The following RHBDD3 variants were observed in gnomAD, a reference collection of about 807,000 sequenced individuals.
The protein encoded by RHBDD3 is rhomboid domain-containing protein 3.
In RHBDD3, 34 loss-of-function variants were observed where a neutral mutation model predicts 32.3. That is an observed-to-expected ratio of 1.05 (90% CI 0.80 to 1.40). RHBDD3 has a LOEUF of 1.40. Ranked by LOEUF, RHBDD3 falls within the 40% of genes most tolerant of loss-of-function variation. The probability of loss-of-function intolerance (pLI) is 0.00; values close to 1 mark genes in which losing one functional copy is unlikely to be tolerated. For missense variants in RHBDD3, 482 were observed against 492.6 expected, an observed-to-expected ratio of 0.98 and a Z score of 0.20; for synonymous variants, 249 against 239.1, an observed-to-expected ratio of 1.04 and a Z score of -0.38.
In RHBDD3 at chr22:29,267,708, C is replaced by G. The variant is rs1271679276; in HGVS notation, c.-195+40G>C. ...CACCCAGCCGACCGGCCTTGGGGACCCTTCCCCGCTGGCCCGGGCCACGCG... is the reference window on the plus strand; with the variant it reads ...CACCCAGCCGACCGGCCTTGGGGACGCTTCCCCGCTGGCCCGGGCCACGCG... On this transcript the variant is annotated intron_variant, in intron 1 of 6. Coordinates refer to ENST00000216085, the MANE Select transcript of RHBDD3 (RefSeq NM_012265.3). The G allele has an allele frequency of 1.8e-5, 3 of 163,706 alleles. No individual in the cohort carries two copies. The East Asian group carries it at 3.9e-4, about 22-fold the overall frequency. The allele number at this position is 163,706 out of a possible 1,614,324, so 10.1% of individuals were successfully genotyped here.
At chr22:29,261,454 C>T (rs531193108) in intron 4 of RHBDD3, 13 of 416,018 alleles carry the variant, frequency 3.1e-5, no homozygotes, top group East Asian at 2.1e-4. Context: ...ATTAGCTGGA[C>T]GTGGCAGTGC....
Position 29,265,778 on chromosome 22 carries a change from G to C in RHBDD3, c.-42-110C>G, listed in dbSNP as rs752653505. Reference sequence around the variant, plus strand: ...ATTTTACAGAGGTGGAAACAGGCTGGAGACGCAGGCCCAGCAGCTTGGCCT... The same window carrying C: ...ATTTTACAGAGGTGGAAACAGGCTGCAGACGCAGGCCCAGCAGCTTGGCCT... On this transcript the variant is annotated intron_variant, in intron 2 of 6. Transcript: ENST00000216085. 4 of 1,138,130 alleles carry C rather than the reference G, an allele frequency of 3.5e-6. No individual in the cohort carries two copies. The South Asian group carries it at 5.8e-5, about 17-fold the overall frequency. 70.5% of individuals were successfully genotyped at this position (1,138,130 alleles called of 1,614,324 possible).
chr22:29,267,259 C>T (rs1333315436), intron 2 of RHBDD3, 167 bp downstream of exon 2: 2 of 152,410 alleles, frequency 1.3e-5, no homozygotes, highest in Non-Finnish European at 2.9e-5. Context: ...AGGCACCCAC[C>T]GTAAACCTCC....
At position 29,260,491 on chromosome 22, in the gene RHBDD3, G is replaced by A. The variant is rs530526042; in HGVS notation, c.818C>T (p.Ala273Val). The A allele has an allele frequency of 6.5e-5, 104 of 1,603,624 alleles. No individual in the cohort carries two copies. The highest frequency in any genetic ancestry group is 8.3e-5 in the Non-Finnish European group (98 of 1,176,878). ...VQPTWEGSSE[A>V]GLDWAGASFS... ...GCTGGCCCCAGCCCAGTCCAGGCCT[G>A]CCTCTGAGGAGCCCTCCCAGGTGGG... Residue 273 changes from alanine to valine, a missense_variant, in exon 6 of 7, where the codon GCA becomes GTA. Physicochemically the swap from Ala to Val is moderately conservative, Grantham distance 64. Coordinates refer to ENST00000216085, the MANE Select transcript of RHBDD3 (RefSeq NM_012265.3).
chr22:29,261,904 C>T (rs2058124556), intron 4 of RHBDD3: 1 of 152,666 alleles, frequency 6.6e-6, no homozygotes, highest in Admixed American at 6.5e-5. Context: ...CGGCCCACCT[C>T]AGCCTCCCAA....
Position 29,260,518 on chromosome 22 carries a change from T to C in RHBDD3, c.791A>G (p.Gln264Arg). The change falls in exon 6 of 7, where the codon CAG becomes CGG. Residue 264 changes from glutamine (Q) to arginine (R), a missense_variant. Transcript: ENST00000216085. Reference protein sequence around the residue: ...ALPPPSLRPVQPTWEGSSEAG... With the variant: ...ALPPPSLRPVRPTWEGSSEAG... ...CTCTGAGGAGCCCTCCCAGGTGGGC[T>C]GCACAGGCCTCAGGCTTGGTGGGGG... 1 of 1,598,098 alleles carries C rather than the reference T, an allele frequency of 6.3e-7. No individual in the cohort carries two copies. The highest frequency in any genetic ancestry group is 8.5e-7 in the Non-Finnish European group (1 of 1,174,724).
At position 29,261,238 on chromosome 22, in the gene RHBDD3, A is replaced by C. The variant is rs73401086; in HGVS notation, c.533-374T>G. The C allele has an allele frequency of 2.2e-3, 1,122 of 503,440 alleles. 8 individuals carry two copies. The highest frequency in any genetic ancestry group is 0.02 in the African/African-American group (1,009 of 51,574). 31.2% of individuals were successfully genotyped at this position (503,440 alleles called of 1,614,324 possible). On this transcript the variant is annotated intron_variant, in intron 4 of 6. Transcript: ENST00000216085. ...CAGACAGGCCTGGATAACTCCTGTCACCAATCCAGAGTGCAGAGGCCAGCC... is the reference window on the plus strand; with the variant it reads ...CAGACAGGCCTGGATAACTCCTGTCCCCAATCCAGAGTGCAGAGGCCAGCC...
chr22:29,263,368 G>A (rs1205861787), intron 4 of RHBDD3, among the ~76,000 whole-genome samples: 2 of 152,086 alleles, frequency 1.3e-5, no homozygotes, highest in African/African-American at 4.8e-5. Context: ...TAGTACAGAT[G>A]GGGTTTCACC....
Position 29,267,914 on chromosome 22 carries a change from G to C in RHBDD3, c.-361C>G. The C allele has an allele frequency of 4.1e-6, 1 of 242,006 alleles. No individual in the cohort carries two copies. Among genetic ancestry groups the C allele is most frequent in the Non-Finnish European group, 8.2e-6 (1 of 122,560 alleles). The allele number at this position is 242,006 out of a possible 1,614,324, so 15.0% of individuals were successfully genotyped here. A position where few individuals can be genotyped will look rare whatever the true frequency, so the allele number is the denominator to read the frequency against. On this transcript the variant is annotated 5_prime_UTR_variant, in exon 1 of 7. In the 5' UTR this introduces an upstream ATG that the reference lacks. Transcript: ENST00000216085. ...CGCCACCCATTCCCCGCGGCCCGCGGATTAGTCAGCAGTTGTTCTAGTCCG... is the reference window on the plus strand; with the variant it reads ...CGCCACCCATTCCCCGCGGCCCGCGCATTAGTCAGCAGTTGTTCTAGTCCG...
upstream of RHBDD3, chr22:29,268,066 GTT>G (rs2058270728): frequency 1.7e-6 from 1 of 578,970 alleles, no homozygotes; most frequent in East Asian, 2.9e-5. Flanking sequence ...AGCCTCTCCG[GTT>G]TCACGCTGAG....
rs2058094292 is a variant in RHBDD3, at chr22:29,260,238, C to G, written c.984-1G>C. The G allele has an allele frequency of 5.0e-6, 8 of 1,601,556 alleles. No individual in the cohort carries two copies. Among genetic ancestry groups the G allele is most frequent in the Non-Finnish European group, 6.8e-6 (8 of 1,174,866 alleles). On this transcript the variant is annotated splice_acceptor_variant, in intron 6 of 6. Coordinates refer to ENST00000216085, the MANE Select transcript of RHBDD3 (RefSeq NM_012265.3). LOFTEE classifies it high-confidence loss of function. ...GCCCATGCGCTCCAGCTGCTGCAGC[C>G]TGTTGGGGGTGGGGGGAGAAGTGGG...
In RHBDD3 at chr22:29,265,653, G is replaced by C; in HGVS notation, c.-27C>G. ...GCTTGGTTGAGGACGGTCAAGGGTG[G>C]TCCTGGGGCTGTGTGCTGGGGATAA... On this transcript the variant is annotated 5_prime_UTR_variant, in exon 3 of 7. Coordinates refer to ENST00000216085, the MANE Select transcript of RHBDD3 (RefSeq NM_012265.3). The C allele has an allele frequency of 1.9e-6, 3 of 1,560,084 alleles. No individual in the cohort carries two copies. Among genetic ancestry groups the C allele is most frequent in the Non-Finnish European group, 2.6e-6 (3 of 1,161,486 alleles).
In RHBDD3 at chr22:29,265,594, G is replaced by T; in HGVS notation, c.33C>A (p.Ser11=). 6.3e-7 allele frequency: 1 copy of T among 1,592,050 alleles called. No homozygotes were observed. The highest frequency in any genetic ancestry group is 8.5e-7 in the Non-Finnish European group (1 of 1,171,906). ...CTGAGGAGGCCAGAGGCAGTGCTGGGGACAGTTGGCCATGGGGGCCCCTGG... is the reference window on the plus strand; with the variant it reads ...CTGAGGAGGCCAGAGGCAGTGCTGGTGACAGTTGGCCATGGGGGCCCCTGG... MHARGPHGQL[S]PALPLASSVL... The change falls in exon 3 of 7, where the codon TCC becomes TCA. Residue 11 remains serine, a synonymous_variant. Coordinates refer to ENST00000216085, the MANE Select transcript of RHBDD3 (RefSeq NM_012265.3).
Position 29,264,029 on chromosome 22 carries a change from G to A in RHBDD3, c.338C>T (p.Ser113Phe). ...LAVLLAGLGL[S>F]SAAGSCGYMP... ...GTATCCACAGCTGCCGGCTGCACTG[G>A]ACAGCCCAAGGCCTGCCAGCAGCAC... Residue 113 changes from serine to phenylalanine, a missense_variant, in exon 4 of 7, where the codon TCC (serine) becomes TTC (phenylalanine). By Grantham distance (155) the Ser-to-Phe change is radical (BLOSUM62 -2). Coordinates refer to ENST00000216085, the MANE Select transcript of RHBDD3 (RefSeq NM_012265.3). The A allele has an allele frequency of 6.4e-7, 1 of 1,560,136 alleles. No individual in the cohort carries two copies. Among genetic ancestry groups the A allele is most frequent in the Admixed American group, 1.9e-5 (1 of 51,738 alleles).
Position 29,263,872 on chromosome 22 carries a change from G to A in RHBDD3, c.495C>T (p.Phe165=). ...LTPLLSSEPP[F]LQLLCGLLAG... The stretch of plus-strand genomic sequence containing the variant: ...CAAGGAGGCCGCAAAGGAGCTGCAG[G>A]AAGGGTGGCTCAGAGCTGAGCAGTG... Residue 165 remains phenylalanine, a synonymous_variant, in exon 4 of 7, where the codon TTC becomes TTT. Transcript: ENST00000216085. 1 of 1,544,900 alleles carries A rather than the reference G, an allele frequency of 6.5e-7. No individual in the cohort carries two copies. Among genetic ancestry groups the A allele is most frequent in the Non-Finnish European group, 8.7e-7 (1 of 1,142,978 alleles).
At position 29,260,574 on chromosome 22, in the gene RHBDD3, G is replaced by T; in HGVS notation, c.735C>A (p.Asp245Glu). 6.2e-7 allele frequency: 1 copy of T among 1,600,632 alleles called. No homozygotes were observed. The highest frequency in any genetic ancestry group is 8.5e-7 in the Non-Finnish European group (1 of 1,175,954). Residue 245 changes from aspartate to glutamate, a missense_variant, in exon 6 of 7, where the codon GAC (aspartate) becomes GAA (glutamate). Coordinates refer to ENST00000216085, the MANE Select transcript of RHBDD3 (RefSeq NM_012265.3). ...CTGAGTCTTCCCAGTGGGACCAGAG[G>T]TCAGGGGAGGCCACATAAGGCGGTC... ...IPGPPYVASPDLWSHWEDSAL... is the reference protein window; with the variant it reads ...IPGPPYVASPELWSHWEDSAL...
At position 29,263,909 on chromosome 22, in the gene RHBDD3, A is replaced by G. The variant is rs773246394; in HGVS notation, c.458T>C (p.Leu153Pro). 2.2e-5 allele frequency: 34 copies of G among 1,548,806 alleles called. No individual in the cohort carries two copies. The highest frequency in any genetic ancestry group is 1.7e-4 in the Middle Eastern group (1 of 5,934). ...AGAGCTGAGCAGTGGGGTCAGGGCA[A>G]GCAGCAGCCACGGCGACAGCCACGG... ...LPPWLSPWLLLALTPLLSSEP... is the reference protein window; with the variant it reads ...LPPWLSPWLLPALTPLLSSEP... The change falls in exon 4 of 7, where the codon CTT (leucine) becomes CCT (proline). Residue 153 changes from leucine (L) to proline (P), a missense_variant. Leu to Pro is a moderately conservative substitution (Grantham distance 98). Coordinates refer to ENST00000216085, the MANE Select transcript of RHBDD3 (RefSeq NM_012265.3).
chr22:29,263,260 GTCTCGAAC>G (rs1199123626), intron 4 of RHBDD3, among the ~76,000 whole-genome samples: 1 of 152,260 alleles, frequency 6.6e-6, no homozygotes, highest in Non-Finnish European at 1.5e-5. Context: ...GGCCAGGCTA[GTCTCGAAC>G]TCCTGACCTC....
intron 4 of RHBDD3, among the ~76,000 whole-genome samples, chr22:29,262,723 T>C (rs1313338116): frequency 6.6e-6 from 1 of 152,210 alleles, no homozygotes; most frequent in Non-Finnish European, 1.5e-5. Context: ...TTCTTTTTTT[T>C]TGAGAGGAAG....
Sources: gnomAD v4.1 joint callset for allele counts (sites outside exome capture counted in the v4.1 genomes callset) on GRCh38, gnomAD v4.1.1 for gene constraint, MANE v1.5 for transcripts, NCBI Gene and HGNC (gene_info 2026-07-23, HGNC 2026-07-21) for gene names.